ANKRD11: variants seen among roughly 807,000 people sequenced by gnomAD.
The protein encoded by ANKRD11 is ankyrin repeat domain-containing protein 11.
ANKRD11 carries 17 observed loss-of-function variants against 195.7 expected under a neutral mutation model. That is an observed-to-expected ratio of 0.09 (90% confidence interval 0.06 to 0.13). The LOEUF (loss-of-function observed/expected upper bound fraction) is 0.13. Among genes scored for constraint, ANKRD11 ranks in the 10% least tolerant of loss-of-function variants. The pLI, the probability that ANKRD11 is intolerant of heterozygous loss-of-function variation, is 1.00. For synonymous variants in ANKRD11, 1,953 were observed against 1,528.1 expected, an observed-to-expected ratio of 1.28 and a Z score of -6.49; for missense variants, 3,735 against 3,566.1, an observed-to-expected ratio of 1.05 and a Z score of -1.21.
intron 1 of ANKRD11, among the ~76,000 whole-genome samples, chr16:89,487,604 T>G (rs2057663324): frequency 6.6e-6 from 1 of 151,854 alleles, no homozygotes; most frequent in Non-Finnish European, 1.5e-5. Flanking sequence ...TGAAACCCCA[T>G]CTCTACTAAA....
At chr16:89,314,650 T>C (rs567822383) in intron 3 of ANKRD11, among the ~76,000 whole-genome samples, 3 of 152,148 alleles carry the variant, frequency 2.0e-5, no homozygotes, top group Non-Finnish European at 2.9e-5. Flanking sequence ...GAGAACCACC[T>C]CCTCAATAAG....
intron 1 of ANKRD11, among the ~76,000 whole-genome samples, chr16:89,479,058 C>T (rs1047260420): frequency 6.6e-6 from 1 of 152,140 alleles, no homozygotes; most frequent in African/African-American, 2.4e-5. Flanking sequence ...TCAAGACCCA[C>T]ACCTTTGGCA....
Position 89,417,778 on chromosome 16 carries a change from C to T in ANKRD11, c.-60+506G>A, listed in dbSNP as rs140501482. 4.6e-4 allele frequency among the ~76,000 whole-genome samples: 70 copies of T among 151,954 alleles called. 2 individuals are homozygous for T. The East Asian group carries it at 0.011, about 24-fold the overall frequency. ...ATCCAAGGACAACCCAGCAAGACCA[C>T]CAGGATCCTAACGAGCAGAACAGCT... is the stretch of plus-strand genomic sequence containing the variant. On this transcript the variant is annotated intron_variant, in intron 2 of 12. Transcript: ENST00000301030.
intron 1 of ANKRD11, among the ~76,000 whole-genome samples, chr16:89,443,025 C>T (rs1335577190): frequency 6.6e-6 from 1 of 152,216 alleles, no homozygotes; most frequent in Non-Finnish European, 1.5e-5. Context: ...CAGAATCTCG[C>T]TCTGTCATCC....
At chr16:89,407,852 C>CAAAAAA (rs60723753) in intron 2 of ANKRD11, among the ~76,000 whole-genome samples, 3 of 111,418 alleles carry the variant, frequency 2.7e-5, no homozygotes, top group Admixed American at 1.0e-4. Flanking sequence ...TGTCTCCCTC[C>CAAAAAA]AAAAAAAAAA....
intron 4 of ANKRD11, among the ~76,000 whole-genome samples, chr16:89,304,563 CACAT>C (rs954238639): frequency 6.6e-6 from 1 of 150,780 alleles, no homozygotes; most frequent in Non-Finnish European, 1.5e-5. Context: ...CACGGGCACA[CACAT>C]ACATGGGTAC....
chr16:89,399,835 G>T (rs2041619352), intron 2 of ANKRD11, among the ~76,000 whole-genome samples: 1 of 152,148 alleles, frequency 6.6e-6, no homozygotes, highest in Non-Finnish European at 1.5e-5. Context: ...CATCCTGTCA[G>T]AAAGACAAAA....
In ANKRD11 at chr16:89,293,224, G is replaced by A. The variant is rs369190157; in HGVS notation, c.227-2041C>T. Among the ~76,000 whole-genome samples, 5 of 152,164 alleles carry A rather than the reference G, an allele frequency of 3.3e-5. No homozygotes were observed. In the East Asian group the frequency reaches 7.7e-4, roughly 23 times the overall value. The stretch of plus-strand genomic sequence containing the variant: ...GAGACACGAAGCCCCCTGAGAACAC[G>A]AGGAAAGCAGAATCCCCGAGATACA... On this transcript the variant is annotated intron_variant, in intron 4 of 12. Coordinates refer to ENST00000301030, the MANE Select transcript of ANKRD11 (RefSeq NM_013275.6).
chr16:89,360,789 A>C (rs762181187), intron 2 of ANKRD11: 1 of 151,736 alleles, frequency 6.6e-6, no homozygotes, highest in Non-Finnish European at 1.5e-5. Context: ...TTCACTAAAA[A>C]CTCCTGTTAA....
chr16:89,468,855 A>T (rs976750918), intron 1 of ANKRD11, among the ~76,000 whole-genome samples: 2 of 152,234 alleles, frequency 1.3e-5, no homozygotes, highest in African/African-American at 2.4e-5. Context: ...ATCCTACAGG[A>T]AGAATGATAC....
intron 2 of ANKRD11, among the ~76,000 whole-genome samples, chr16:89,380,889 G>A (rs1268657449): frequency 1.3e-5 from 2 of 152,232 alleles, no homozygotes; most frequent in Non-Finnish European, 2.9e-5. Flanking sequence ...CAGCTCAGAG[G>A]TCGTGGGCAG....
intron 3 of ANKRD11, chr16:89,313,443 A>G: frequency 2.3e-6 from 3 of 1,289,152 alleles, no homozygotes; most frequent in Non-Finnish European, 3.0e-6. Context: ...TTTCTCTGAC[A>G]CGCCTGCCAC....
At position 89,281,574 on chromosome 16, in the gene ANKRD11, C is replaced by T. The variant is rs1177435198; in HGVS notation, c.4968G>A (p.Glu1656=). The change falls in exon 9 of 13, where the codon GAG becomes GAA. Residue 1656 remains glutamate, a synonymous_variant. Transcript: ENST00000301030. This position sits in a 1 kb window ranked among gnomAD's most constrained non-coding sequence, Gnocchi z 5.5. ...CCGCGGCAGGTGGAATAGGAGTCGA[C>T]TCTTTGAGCTTTTTGTCTTTAAATG... ...DPPFKDKKLK[E]STPIPPAAEN... 8.7e-6 allele frequency: 14 copies of T among 1,614,172 alleles called. No homozygotes were observed. Among genetic ancestry groups the T allele is most frequent in the Admixed American group, 3.3e-5 (2 of 60,024 alleles).
At chr16:89,485,637 C>T (rs946886050) in intron 1 of ANKRD11, among the ~76,000 whole-genome samples, 3 of 152,132 alleles carry the variant, frequency 2.0e-5, no homozygotes, top group African/African-American at 7.2e-5. Context: ...CCCAAATATA[C>T]CCACAATTAG....
In ANKRD11 at chr16:89,279,641, C is replaced by T. The variant is rs2033992747; in HGVS notation, c.6901G>A (p.Ala2301Thr). ...CCGCCAGGAGGGCCTTCGGCTGGGG[C>T]GGCGGCACGGGAGGCCTCAGTGTCG... Reference protein sequence around the residue: ...EDDTEASRAAAPAEGPPGGIQ... With the variant: ...EDDTEASRAATPAEGPPGGIQ... Residue 2301 changes from alanine to threonine, a missense_variant, in exon 9 of 13, where the codon GCC becomes ACC. Coordinates refer to ENST00000301030, the MANE Select transcript of ANKRD11 (RefSeq NM_013275.6). This position sits in a 1 kb window ranked among gnomAD's most constrained non-coding sequence, Gnocchi z 5.6. 1.1e-5 allele frequency: 16 copies of T among 1,439,018 alleles called. No homozygotes were observed. The highest frequency in any genetic ancestry group is 1.4e-5 in the African/African-American group (1 of 69,616). The allele number at this position is 1,439,018 out of a possible 1,614,324, so 89.1% of individuals were successfully genotyped here. A position where few individuals can be genotyped will look rare whatever the true frequency, so the allele number is the denominator to read the frequency against.
intron 2 of ANKRD11, among the ~76,000 whole-genome samples, chr16:89,322,752 C>A (rs3114902): frequency 1.2e-4 from 19 of 152,254 alleles, no homozygotes; most frequent in African/African-American, 4.6e-4. Flanking sequence ...GCTCCCACGT[C>A]GGCCCTGGGC....
At chr16:89,334,156 A>AAAAAAAAAAAAAAAAC in intron 2 of ANKRD11, among the ~76,000 whole-genome samples, 1 of 138,384 alleles carries the variant, frequency 7.2e-6, no homozygotes, top group African/African-American at 2.7e-5. Context: ...AAAAAAAAAA[A>AAAAAAAAAAAAAAAAC]AAAAAAAAAA....
intron 1 of ANKRD11, among the ~76,000 whole-genome samples, chr16:89,441,535 A>G (rs2043471619): frequency 6.6e-6 from 1 of 152,094 alleles, no homozygotes; most frequent in Admixed American, 6.6e-5. Context: ...TGGGAGGCCA[A>G]GGCGGGCGGA....
chr16:89,445,986 A>AC (rs1456048718), intron 1 of ANKRD11, among the ~76,000 whole-genome samples: 5 of 148,584 alleles, frequency 3.4e-5, no homozygotes, highest in Non-Finnish European at 7.6e-5. Context: ...AAAAACAAAA[A>AC]AAAAAATTTT....
Sources: allele counts gnomAD v4.1 joint callset (sites outside exome capture counted in the v4.1 genomes callset), GRCh38; gene constraint gnomAD v4.1.1; non-coding constraint Gnocchi (gnomAD v3.1); transcripts MANE v1.5; gene names NCBI Gene and HGNC (gene_info 2026-07-23, HGNC 2026-07-21).